Variants in TBC1D30 observed in about 807,000 individuals in gnomAD.
TBC1D30 encodes TBC1 domain family member 30, also known as TBC1 domain family, member 30.
Under a neutral mutation model 63.2 loss-of-function variants are expected in TBC1D30, and 31 were observed. That is an observed-to-expected ratio of 0.49 (90% CI 0.37 to 0.66). TBC1D30 has a LOEUF of 0.66. TBC1D30 is among the 30% of genes least tolerant of loss of function. TBC1D30 has a pLI of 0.00. For missense variants in TBC1D30, 810 were observed against 953.6 expected, an observed-to-expected ratio of 0.85 and a Z score of 1.98; for synonymous variants, 307 against 361.5, an observed-to-expected ratio of 0.85 and a Z score of 1.71.
intron 2 of TBC1D30, among the ~76,000 whole-genome samples, chr12:64,795,246 C>T (rs1217467418): frequency 6.6e-6 from 1 of 152,140 alleles, no homozygotes; most frequent in Non-Finnish European, 1.5e-5. Flanking sequence ...GTCTTCTGAT[C>T]TCCTGCTCGA....
At chr12:64,804,177 G>A (rs189441499) in intron 2 of TBC1D30, among the ~76,000 whole-genome samples, 2 of 152,162 alleles carry the variant, frequency 1.3e-5, no homozygotes, top group Admixed American at 1.3e-4. Context: ...TTGAGCAGTG[G>A]TTTATAGTTA....
At position 64,879,899 on chromosome 12, in the gene TBC1D30, A is replaced by G. The variant is rs1879346306; in HGVS notation, c.*4111A>G. 6.6e-6 allele frequency: 1 copy of G among 152,234 alleles called. No homozygotes were observed. Among genetic ancestry groups the G allele is most frequent in the South Asian group, 2.1e-4 (1 of 4,830 alleles). 9.4% of individuals were successfully genotyped at this position (152,234 alleles called of 1,614,324 possible). On this transcript the variant is annotated 3_prime_UTR_variant, in exon 12 of 12. Coordinates refer to ENST00000539867, the MANE Select transcript of TBC1D30 (RefSeq NM_015279.2). ...TAGGTTTTGTCAAAGAATACCAGAT[A>G]TTTTAGAGTTGGAAGTTATGCAGTA...
Position 64,838,829 on chromosome 12 carries a change from G to A in TBC1D30, c.910G>A (p.Ala304Thr), listed in dbSNP as rs1276488425. 15 of 1,535,896 alleles carry A rather than the reference G, an allele frequency of 9.8e-6. No individual in the cohort carries two copies. The highest frequency in any genetic ancestry group is 1.2e-5 in the Non-Finnish European group (14 of 1,146,874). Residue 304 changes from alanine to threonine, a missense_variant, in exon 7 of 12, where the codon GCT (alanine) becomes ACT (threonine). This residue lies in a region of TBC1D30 where 83 missense variants were observed against 121.5 expected (regional missense o/e 0.68). Coordinates refer to ENST00000539867, the MANE Select transcript of TBC1D30 (RefSeq NM_015279.2). ...AGAAATCATCCTAAGGGTGTCGCTG[G>A]CTATCTGGGCAAAATTAGGAGAGTA... is the stretch of plus-strand genomic sequence containing the variant. The part of the protein sequence containing the change: ...GSEIILRVSL[A>T]IWAKLGEQIE...
At chr12:64,827,298 A>G (rs1237872435) in intron 1 of TBC1D30, among the ~76,000 whole-genome samples, 1 of 152,116 alleles carries the variant, frequency 6.6e-6, no homozygotes, top group Non-Finnish European at 1.5e-5. Context: ...AAAATACAAA[A>G]ATTAGCTGTG....
intron 2 of TBC1D30, among the ~76,000 whole-genome samples, chr12:64,814,875 C>A (rs1873430991): frequency 6.6e-6 from 1 of 152,124 alleles, no homozygotes; most frequent in South Asian, 2.1e-4. Context: ...TACCAGGGCC[C>A]ACTATTACTG....
At chr12:64,850,725 C>T (rs1876793573) in intron 8 of TBC1D30, among the ~76,000 whole-genome samples, 1 of 152,100 alleles carries the variant, frequency 6.6e-6, no homozygotes, top group Non-Finnish European at 1.5e-5. Context: ...GGATATTGGC[C>T]TGAAATTTTC....
chr12:64,862,833 T>C (rs1877904200), intron 8 of TBC1D30, among the ~76,000 whole-genome samples: 1 of 152,134 alleles, frequency 6.6e-6, no homozygotes, highest in Non-Finnish European at 1.5e-5. Flanking sequence ...TGAATGAGGG[T>C]TGATTCTTGG....
upstream of TBC1D30, among the ~76,000 whole-genome samples, chr12:64,779,597 CTG>C (rs1871174474): frequency 6.6e-6 from 1 of 152,102 alleles, no homozygotes; most frequent in Non-Finnish European, 1.5e-5. Context: ...GAAGACAAAA[CTG>C]TGCTGAACAA....
In TBC1D30 at chr12:64,831,873, C is replaced by T. The variant is rs544897813; in HGVS notation, c.409-246C>T. Among the ~76,000 whole-genome samples the T allele has an allele frequency of 5.9e-5, 9 of 152,158 alleles. No individual in the cohort carries two copies. In the South Asian group the frequency reaches 6.2e-4, roughly 11 times the overall value. On this transcript the variant is annotated intron_variant, in intron 4 of 11. Transcript: ENST00000539867. ...CTACTTTTTGTGGTAATCCTGGAAA[C>T]GTTTTAAGTTGAAAATTTGCCTGAC...
chr12:64,770,596 A>G (rs1870869137), intron 1 of TBC1D30, among the ~76,000 whole-genome samples: 1 of 152,172 alleles, frequency 6.6e-6, no homozygotes, highest in South Asian at 2.1e-4. Flanking sequence ...TGACAACTGC[A>G]TGGTGCCTGG....
At chr12:64,810,689 A>G (rs923546946) in intron 2 of TBC1D30, among the ~76,000 whole-genome samples, 3 of 152,242 alleles carry the variant, frequency 2.0e-5, no homozygotes, top group African/African-American at 7.2e-5. Context: ...CTTTAGTGTA[A>G]CATGGAGAGA....
intron 8 of TBC1D30, among the ~76,000 whole-genome samples, chr12:64,854,502 T>C (rs12315329): frequency 7.1e-6 from 1 of 140,216 alleles, no homozygotes; most frequent in Non-Finnish European, 1.5e-5. Context: ...TTCTTTCTTT[T>C]TTTTTTTTTT....
Position 64,824,656 on chromosome 12 carries a change from G to C in TBC1D30, c.-224G>C. ...AGCGATCTCCTGCCTCAGCCTTGCA[G>C]GCTCCGCACTGCAGATGCCTGCTGG... On this transcript the variant is annotated 5_prime_UTR_variant, in exon 1 of 12. Coordinates refer to ENST00000539867, the MANE Select transcript of TBC1D30 (RefSeq NM_015279.2). 2.0e-6 allele frequency: 1 copy of C among 502,676 alleles called. No homozygotes were observed. The highest frequency in any genetic ancestry group is 3.4e-6 in the Non-Finnish European group (1 of 295,808). The allele number at this position is 502,676 out of a possible 1,614,324, so 31.1% of individuals were successfully genotyped here. A position where few individuals can be genotyped will look rare whatever the true frequency, so the allele number is the denominator to read the frequency against.
intron 2 of TBC1D30, among the ~76,000 whole-genome samples, chr12:64,810,055 C>T (rs1420985584): frequency 6.6e-6 from 1 of 152,126 alleles, no homozygotes; most frequent in Non-Finnish European, 1.5e-5. Flanking sequence ...CCTTTCTTAA[C>T]CCCTCGTCCA....
rs149846569 is a variant in TBC1D30, at chr12:64,878,336, A to G, written c.*2548A>G. ...GTACAAAGACCAGTATGGACTTGCT[A>G]TCTTCCCTATGTATTGGACACTGTA... On this transcript the variant is annotated 3_prime_UTR_variant, in exon 12 of 12. Transcript: ENST00000539867. 529 of 415,674 alleles carry G rather than the reference A, an allele frequency of 1.3e-3. 1 individual carries two copies. Among genetic ancestry groups the G allele is most frequent in the Admixed American group, 2.7e-3 (101 of 37,440 alleles). 25.7% of individuals were successfully genotyped at this position (415,674 alleles called of 1,614,324 possible).
At chr12:64,848,445 C>G (rs1232622067) in intron 8 of TBC1D30, among the ~76,000 whole-genome samples, 2 of 152,066 alleles carry the variant, frequency 1.3e-5, no homozygotes, top group Non-Finnish European at 2.9e-5. Flanking sequence ...CCGCGACAGG[C>G]CCCGGTATGT....
rs933242835 is a variant in TBC1D30, at chr12:64,824,715, G to A, written c.-165G>A. 8.3e-6 allele frequency: 8 copies of A among 963,652 alleles called. No individual in the cohort carries two copies. Among genetic ancestry groups the A allele is most frequent in the African/African-American group, 1.7e-5 (1 of 57,772 alleles). The allele number at this position is 963,652 out of a possible 1,614,324, so 59.7% of individuals were successfully genotyped here. A position where few individuals can be genotyped will look rare whatever the true frequency, so the allele number is the denominator to read the frequency against. On this transcript the variant is annotated 5_prime_UTR_variant, in exon 1 of 12. Transcript: ENST00000539867. ...CGCTCGGCGGCTCCCGCGGTGCCCC[G>A]TAAGTCCCCGTGACCCTCCAGCACC...
At chr12:64,840,027 A>AAAAAAAAAAAAAAAC (rs1555171793) in intron 7 of TBC1D30, among the ~76,000 whole-genome samples, 3 of 145,810 alleles carry the variant, frequency 2.1e-5, no homozygotes, top group African/African-American at 7.8e-5. Flanking sequence ...AAAAAAAAAA[A>AAAAAAAAAAAAAAAC]ATCCACCAAC....
chr12:64,840,612 C>T (rs1458134040), intron 7 of TBC1D30, among the ~76,000 whole-genome samples: 2 of 152,192 alleles, frequency 1.3e-5, no homozygotes, highest in East Asian at 3.8e-4. Context: ...AAAGTACGCA[C>T]TGTTGTCATC....
Sources: allele counts gnomAD v4.1 joint callset (sites outside exome capture counted in the v4.1 genomes callset), GRCh38; gene constraint gnomAD v4.1.1; regional missense constraint gnomAD v4.1.1; transcripts MANE v1.5; gene names NCBI Gene and HGNC (gene_info 2026-07-23, HGNC 2026-07-21).